Variants in UBA5 observed in about 807,000 individuals in gnomAD.
UBA5 encodes the protein ubiquitin-like modifier-activating enzyme 5.
A neutral mutation model predicts 52.9 loss-of-function variants in UBA5; 28 were observed. That is an observed-to-expected ratio of 0.53 (90% CI 0.39 to 0.73). UBA5 has a LOEUF of 0.73. UBA5 is among the 30% of genes least tolerant of loss of function. UBA5 has a pLI of 0.00. For synonymous variants in UBA5, 135 were observed against 162.1 expected (o/e 0.83, Z 1.27); for missense variants, 388 against 492.7 (o/e 0.79, Z 2.01).
rs1938915184 is a variant in UBA5, at chr3:132,678,198, T to C, written c.*1672T>C. 1 of 152,154 alleles carries C rather than the reference T, an allele frequency of 6.6e-6. No homozygotes were observed. Among genetic ancestry groups the C allele is most frequent in the African/African-American group, 2.4e-5 (1 of 41,428 alleles). 9.4% of individuals were successfully genotyped at this position (152,154 alleles called of 1,614,324 possible). On this transcript the variant is annotated 3_prime_UTR_variant, in exon 12 of 12. Coordinates refer to ENST00000356232, the MANE Select transcript of UBA5 (RefSeq NM_024818.6). ...CAAATGTTACCTAATTGACCTAACT[T>C]TTTTTGTCTAATATCTTTCATTAAA...
chr3:132,674,417 G>A (rs183308988), intron 8 of UBA5, among the ~76,000 whole-genome samples: 2 of 152,350 alleles, frequency 1.3e-5, no homozygotes, highest in Non-Finnish European at 2.9e-5. Context: ...GCCGGGTGCA[G>A]TGGCTCACGC....
chr3:132,665,728 T>G, intron 1 of UBA5, 95 bp from the exon 2 acceptor site: 1 of 1,214,232 alleles, frequency 8.2e-7, no homozygotes, highest in Non-Finnish European at 1.2e-6. Flanking sequence ...AATGATTATA[T>G]TTTGGTGTTT....
At chr3:132,659,520 CTT>C (rs1938010548), upstream of UBA5, 2 of 1,584,654 alleles carry the variant, frequency 1.3e-6, no homozygotes, top group African/African-American at 1.4e-5. Flanking sequence ...GTGGGAGAAA[CTT>C]AGGAAACCAC....
chr3:132,659,834 T>C (rs936918104), upstream of UBA5: 21 of 1,477,078 alleles, frequency 1.4e-5, no homozygotes, highest in Non-Finnish European at 1.9e-5. Flanking sequence ...ACGTCCCCTC[T>C]AGAGCATGGG....
chr3:132,658,471 T>C (rs902000717), upstream of UBA5, among the ~76,000 whole-genome samples: 1 of 152,236 alleles, frequency 6.6e-6, no homozygotes, highest in Non-Finnish European at 1.5e-5. Context: ...TCCTACAATA[T>C]GAACGTTACT....
chr3:132,666,107 A>T (rs1335175560), intron 3 of UBA5, 34 bp downstream of exon 3: 2 of 1,572,822 alleles, frequency 1.3e-6, no homozygotes, highest in Admixed American at 1.7e-5. Flanking sequence ...TCATATAGGG[A>T]ACTACTCACT....
intron 11 of UBA5, 22 bp downstream of exon 11, chr3:132,675,945 C>A: frequency 1.4e-6 from 2 of 1,402,858 alleles, no homozygotes; most frequent in Non-Finnish European, 2.0e-6. Flanking sequence ...ATATGATTTA[C>A]CCATATGTAA....
intron 4 of UBA5, among the ~76,000 whole-genome samples, chr3:132,669,371 A>G (rs1490564596): frequency 6.6e-6 from 1 of 152,080 alleles, no homozygotes; most frequent in Non-Finnish European, 1.5e-5. Context: ...GGCTCAAGCT[A>G]TCTTCGCATC....
rs779530886 is a variant in UBA5 at position 132,676,431 on chromosome 3, A to T, written c.1132-12A>T. 4 of 1,600,322 alleles carry T rather than the reference A, an allele frequency of 2.5e-6. No individual in the cohort carries two copies. Among genetic ancestry groups the T allele is most frequent in the Admixed American group, 3.5e-5 (2 of 57,138 alleles). ...GTTCTTTTTTCACTGTATTTCCCTT[A>T]TTTGTCAATAGCAAGAAGATTCTGT... On this transcript the variant is annotated splice_polypyrimidine_tract_variant and intron_variant, in intron 11 of 11. Coordinates refer to ENST00000356232, the MANE Select transcript of UBA5 (RefSeq NM_024818.6). This position sits in a 1 kb window ranked among gnomAD's most constrained non-coding sequence, Gnocchi z 4.1.
In UBA5 at chr3:132,661,059, A is replaced by G. The variant is rs1375933781; in HGVS notation, c.161+361A>G. Reference sequence around the variant, plus strand: ...ATTAAACCTGCTAAGGTAAACTTTGAGTTTCATTAAAGGCTTATCAATGCA... The same window carrying G: ...ATTAAACCTGCTAAGGTAAACTTTGGGTTTCATTAAAGGCTTATCAATGCA... On this transcript the variant is annotated intron_variant, in intron 1 of 11. Transcript: ENST00000356232. The G allele has an allele frequency of 2.3e-6, 3 of 1,293,986 alleles. No homozygotes were observed. The Admixed American group carries it at 6.8e-5, about 29-fold the overall frequency. The allele number at this position is 1,293,986 out of a possible 1,614,324, so 80.2% of individuals were successfully genotyped here.
At chr3:132,655,447 T>A (rs918669686), upstream of UBA5, among the ~76,000 whole-genome samples, 21 of 152,218 alleles carry the variant, frequency 1.4e-4, no homozygotes, top group Non-Finnish European at 5.9e-5. Context: ...TTGCCCTTGC[T>A]TACACTACTT....
At chr3:132,669,606 C>A (rs1239631386) in intron 4 of UBA5, among the ~76,000 whole-genome samples, 2 of 152,104 alleles carry the variant, frequency 1.3e-5, no homozygotes, top group Admixed American at 6.5e-5. Context: ...CTTTTGATTT[C>A]TTTTCCCAAC....
In UBA5 at chr3:132,679,747, G is replaced by A. The variant is rs1205440354; in HGVS notation, c.*3221G>A. On this transcript the variant is annotated 3_prime_UTR_variant, in exon 12 of 12. Coordinates refer to ENST00000356232, the MANE Select transcript of UBA5 (RefSeq NM_024818.6). ...TTACTTGCTATGTATTAAATGACTT[G>A]TACCACTAAATAATCAAATTCTAAG... Among the ~76,000 whole-genome samples, 1 of 152,114 alleles carries A rather than the reference G, an allele frequency of 6.6e-6. No individual in the cohort carries two copies. The highest frequency in any genetic ancestry group is 2.4e-5 in the African/African-American group (1 of 41,410).
At chr3:132,663,226 T>C (rs575882320) in intron 1 of UBA5, among the ~76,000 whole-genome samples, 51 of 152,106 alleles carry the variant, frequency 3.4e-4, no homozygotes, top group Admixed American at 6.5e-4. Flanking sequence ...GAACTTCAGG[T>C]AGGGCTAAAA....
At position 132,672,176 on chromosome 3, in the gene UBA5, A is replaced by C; in HGVS notation, c.811A>C (p.Lys271Gln). ...VAGILVQNVL[K>Q]FLLNFGTVSF... ...TGGGATCTTAGTACAAAACGTGTTA[A>C]AGTAAGTCAGGGCTAATTTTTCTGA... Residue 271 changes from lysine to glutamine, a missense_variant and splice_region_variant, in exon 8 of 12, where the codon AAG becomes CAG. Physicochemically the swap from Lys to Gln is moderately conservative, Grantham distance 53. Transcript: ENST00000356232. 2 of 1,613,000 alleles carry C rather than the reference A, an allele frequency of 1.2e-6. No individual in the cohort carries two copies. The highest frequency in any genetic ancestry group is 1.7e-6 in the Non-Finnish European group (2 of 1,179,618).
rs578029364 is a variant in UBA5 at position 132,678,943 on chromosome 3, C to A, written c.*2417C>A. On this transcript the variant is annotated 3_prime_UTR_variant, in exon 12 of 12. Coordinates refer to ENST00000356232, the MANE Select transcript of UBA5 (RefSeq NM_024818.6). ...GGGATTATAGGTGTGAGCCACCACG[C>A]CCAGCCAAGAATATTTACTAAAGGA... 2.7e-4 allele frequency among the ~76,000 whole-genome samples: 41 copies of A among 152,170 alleles called. No individual in the cohort carries two copies. The highest frequency in any genetic ancestry group is 8.4e-4 in the African/African-American group (35 of 41,510).
In UBA5 at chr3:132,678,154, C is replaced by T. The variant is rs1938912721; in HGVS notation, c.*1628C>T. 1 of 152,106 alleles carries T rather than the reference C, an allele frequency of 6.6e-6. No individual in the cohort carries two copies. Among genetic ancestry groups the T allele is most frequent in the African/African-American group, 2.4e-5 (1 of 41,422 alleles). 9.4% of individuals were successfully genotyped at this position (152,106 alleles called of 1,614,324 possible). A position where few individuals can be genotyped will look rare whatever the true frequency, so the allele number is the denominator to read the frequency against. ...CTCTCAAGTTGGCATTGCATCACTGCCTGTGTCTTACACTGCACCAAATGT... is the reference window on the plus strand; with the variant it reads ...CTCTCAAGTTGGCATTGCATCACTGTCTGTGTCTTACACTGCACCAAATGT... On this transcript the variant is annotated 3_prime_UTR_variant, in exon 12 of 12. Coordinates refer to ENST00000356232, the MANE Select transcript of UBA5 (RefSeq NM_024818.6).
Position 132,671,866 on chromosome 3 carries a change from A to C in UBA5, c.669A>C (p.Glu223Asp). ...SGHIQLIIPG[E>D]SACFACAPPL... ...ATATACAGCTTATAATTCCTGGAGA[A>C]TCTGCTTGTTTTGCGGTATGCATTA... The change falls in exon 7 of 12, where the codon GAA becomes GAC. Residue 223 changes from glutamate (E) to aspartate (D), a missense_variant. This residue lies in a region of UBA5 where 277 missense variants were observed against 326.4 expected (regional missense o/e 0.85). Coordinates refer to ENST00000356232, the MANE Select transcript of UBA5 (RefSeq NM_024818.6). The C allele has an allele frequency of 1.2e-6, 2 of 1,613,302 alleles. No homozygotes were observed. The highest frequency in any genetic ancestry group is 1.7e-6 in the Non-Finnish European group (2 of 1,179,732).
At position 132,675,700 on chromosome 3, in the gene UBA5, T is replaced by C. The variant is rs1342869827; in HGVS notation, c.1024+20T>C. 5 of 1,588,844 alleles carry C rather than the reference T, an allele frequency of 3.1e-6. No individual in the cohort carries two copies. Among genetic ancestry groups the C allele is most frequent in the Middle Eastern group, 1.7e-4 (1 of 5,986 alleles). On this transcript the variant is annotated intron_variant, in intron 10 of 11. Transcript: ENST00000356232. ...AATGGGGTAGGTATTCTTTTATAAATTGAAATGGCAGTATAAAACAAAACC... is the reference window on the plus strand; with the variant it reads ...AATGGGGTAGGTATTCTTTTATAAACTGAAATGGCAGTATAAAACAAAACC...
Sources: gnomAD v4.1 joint callset for allele counts (sites outside exome capture counted in the v4.1 genomes callset) on GRCh38, gnomAD v4.1.1 for gene constraint, gnomAD v4.1.1 regional missense constraint, Gnocchi (gnomAD v3.1) non-coding constraint, MANE v1.5 for transcripts, NCBI Gene and HGNC (gene_info 2026-07-23, HGNC 2026-07-21) for gene names.